Variants in RNF111 observed in about 807,000 individuals in gnomAD.
The protein encoded by RNF111 is ring finger protein 111, also known as E3 ubiquitin-protein ligase Arkadia.
In RNF111, 17 loss-of-function variants were observed where a neutral mutation model predicts 95.1. That is an observed-to-expected ratio of 0.18 (90% CI 0.12 to 0.27). The LOEUF (loss-of-function observed/expected upper bound fraction) is 0.27. RNF111 is among the 10% of genes least tolerant of loss of function. The pLI is 1.00. For missense variants in RNF111, 1,189 were observed against 1,210.4 expected (o/e 0.98, Z 0.26); for synonymous variants, 440 against 414.8 (o/e 1.06, Z -0.74).
rs766383859 is a variant in RNF111 at position 59,030,822 on chromosome 15, C to T, written c.-1C>T. ...CTTCTAGGCTTTCCTTAAAGTTTCC[C>T]ATGTCTCAATGGACTCCTGAATATA... On this transcript the variant is annotated 5_prime_UTR_variant, in exon 2 of 14. Coordinates refer to ENST00000348370, the MANE Select transcript of RNF111 (RefSeq NM_017610.8). The T allele has an allele frequency of 3.4e-5, 53 of 1,566,338 alleles. No individual in the cohort carries two copies. Among genetic ancestry groups the T allele is most frequent in the Non-Finnish European group, 4.5e-5 (52 of 1,155,718 alleles).
At position 59,096,120 on chromosome 15, in the gene RNF111, G is replaced by T; in HGVS notation, c.*1220G>T. On this transcript the variant is annotated 3_prime_UTR_variant, in exon 14 of 14. Coordinates refer to ENST00000348370, the MANE Select transcript of RNF111 (RefSeq NM_017610.8). Reference sequence around the variant, plus strand: ...TGATTTAAAATTTTTAATTTCTATAGTTAAGATTTACTGCATAATATAGAA... The same window carrying T: ...TGATTTAAAATTTTTAATTTCTATATTTAAGATTTACTGCATAATATAGAA... 2.5e-6 allele frequency: 1 copy of T among 398,424 alleles called. No individual in the cohort carries two copies. Among genetic ancestry groups the T allele is most frequent in the Non-Finnish European group, 4.4e-6 (1 of 225,740 alleles). The allele number at this position is 398,424 out of a possible 1,614,324, so 24.7% of individuals were successfully genotyped here.
intron 2 of RNF111, among the ~76,000 whole-genome samples, chr15:59,036,830 G>C (rs1293561721): frequency 2.0e-5 from 3 of 151,880 alleles, no homozygotes; most frequent in Non-Finnish European, 4.4e-5. Context: ...GTTCTTTTTG[G>C]TTTGGTTTTA....
At chr15:58,997,859 T>G (rs1325012659) in intron 1 of RNF111, among the ~76,000 whole-genome samples, 1 of 151,810 alleles carries the variant, frequency 6.6e-6, no homozygotes, top group Non-Finnish European at 1.5e-5. Context: ...TTTATTTTGA[T>G]TCTTGAGCAC....
chr15:59,038,551 T>A (rs1338822077), intron 2 of RNF111, among the ~76,000 whole-genome samples: 1 of 152,216 alleles, frequency 6.6e-6, no homozygotes, highest in South Asian at 2.1e-4. Flanking sequence ...AACAGAAATA[T>A]GCAATGAACT....
At chr15:59,046,218 G>A (rs1308933075) in intron 2 of RNF111, among the ~76,000 whole-genome samples, 1 of 150,388 alleles carries the variant, frequency 6.6e-6, no homozygotes, top group East Asian at 1.9e-4. Flanking sequence ...TTTTGAGACA[G>A]GATTTCATTC....
chr15:59,085,589 A>T, intron 9 of RNF111, 70 bp from the exon 10 acceptor site: 2 of 1,377,068 alleles, frequency 1.5e-6, no homozygotes, highest in East Asian at 5.0e-5. Context: ...AAGTGTAAAC[A>T]TAACTCCCCA....
chr15:59,086,562 T>C (rs557658730), intron 10 of RNF111, among the ~76,000 whole-genome samples: 2 of 152,350 alleles, frequency 1.3e-5, no homozygotes, highest in South Asian at 4.1e-4. Context: ...ATATAAATGG[T>C]ACAGAAAAGG....
At chr15:59,051,330 T>C (rs1596206718) in intron 2 of RNF111, among the ~76,000 whole-genome samples, 1 of 151,690 alleles carries the variant, frequency 6.6e-6, no homozygotes, top group South Asian at 2.1e-4. Context: ...TGGTGGCAGG[T>C]GCCTGTAGTT....
At chr15:59,028,349 G>GTT (rs1236144011) in intron 1 of RNF111, among the ~76,000 whole-genome samples, 2 of 151,878 alleles carry the variant, frequency 1.3e-5, no homozygotes, top group African/African-American at 2.4e-5. Context: ...ACCATTCTGA[G>GTT]TCCCCCAGTG....
intron 2 of RNF111, among the ~76,000 whole-genome samples, chr15:59,037,565 G>C (rs1441357603): frequency 1.3e-5 from 2 of 152,136 alleles, no homozygotes; most frequent in Admixed American, 1.3e-4. Context: ...TGCCGGGCGT[G>C]GTGGCTCACA....
intron 10 of RNF111, 40 bp downstream of exon 10, chr15:59,085,825 A>G: frequency 6.3e-7 from 1 of 1,575,506 alleles, no homozygotes; most frequent in Non-Finnish European, 8.7e-7. Context: ...ATGTTCTAAA[A>G]GTTCCTTTTC....
chr15:59,036,350 C>T (rs555840127), intron 2 of RNF111, among the ~76,000 whole-genome samples: 33 of 152,128 alleles, frequency 2.2e-4, no homozygotes, highest in African/African-American at 6.3e-4. Flanking sequence ...TTTGAGCCAC[C>T]GCACCCGGCC....
rs1566951032 is a variant in RNF111, at chr15:59,095,152, T to C, written c.*252T>C. 23 of 378,564 alleles carry C rather than the reference T, an allele frequency of 6.1e-5. No homozygotes were observed. Among genetic ancestry groups the C allele is most frequent in the South Asian group, 5.6e-4 (21 of 37,488 alleles). 23.5% of individuals were successfully genotyped at this position (378,564 alleles called of 1,614,324 possible). On this transcript the variant is annotated 3_prime_UTR_variant, in exon 14 of 14. Transcript: ENST00000348370. ...TTTACTGTATTTTTGCATGGTTCCT[T>C]GTATTGCATTTCTTTGCACATATTA...
chr15:59,022,974 C>T (rs542629032), intron 1 of RNF111, among the ~76,000 whole-genome samples: 51 of 152,256 alleles, frequency 3.3e-4, no homozygotes, highest in South Asian at 8.3e-4. Context: ...TGGCTGGGCG[C>T]GGTGGCTTAC....
intron 6 of RNF111, among the ~76,000 whole-genome samples, chr15:59,071,812 C>T (rs1320703080): frequency 2.0e-5 from 3 of 152,136 alleles, no homozygotes; most frequent in African/African-American, 7.2e-5. Flanking sequence ...ATTCCTAATA[C>T]AAGCATACCT....
chr15:59,071,154 C>T (rs949442672), intron 6 of RNF111, among the ~76,000 whole-genome samples: 26 of 151,576 alleles, frequency 1.7e-4, no homozygotes, highest in Admixed American at 5.3e-4. Flanking sequence ...AAAAAGTAGC[C>T]GGGCGTGGTG....
chr15:59,037,486 TG>T (rs1168189618), intron 2 of RNF111, among the ~76,000 whole-genome samples: 1 of 152,192 alleles, frequency 6.6e-6, no homozygotes, highest in Non-Finnish European at 1.5e-5. Flanking sequence ...ACAAAAACCT[TG>T]GGTTTCCCAA....
chr15:59,017,201 G>T (rs1481352856), intron 1 of RNF111, among the ~76,000 whole-genome samples: 21 of 150,116 alleles, frequency 1.4e-4, no homozygotes, highest in African/African-American at 4.9e-4. Flanking sequence ...GTTCCCTGGT[G>T]CCAAAAAGGT....
At chr15:58,990,452 C>T (rs1339319250) in intron 1 of RNF111, among the ~76,000 whole-genome samples, 1 of 152,044 alleles carries the variant, frequency 6.6e-6, no homozygotes, top group African/African-American at 2.4e-5. Flanking sequence ...TTGAGGTGAC[C>T]AGTCTGGCCA....
Sources: gnomAD v4.1 joint callset for allele counts (sites outside exome capture counted in the v4.1 genomes callset) on GRCh38, gnomAD v4.1.1 for gene constraint, MANE v1.5 for transcripts, NCBI Gene and HGNC (gene_info 2026-07-23, HGNC 2026-07-21) for gene names.